Variants in ITSN1 observed in about 807,000 individuals in gnomAD.
ITSN1 encodes the protein intersectin 1.
Under a neutral mutation model 239.8 loss-of-function variants are expected in ITSN1, and 58 were observed. That is an observed-to-expected ratio of 0.24 (90% CI 0.20 to 0.30). The LOEUF (loss-of-function observed/expected upper bound fraction) is 0.30. Ranked by LOEUF, ITSN1 falls within the 10% of genes least tolerant of loss-of-function variation. The pLI is 1.00. For missense variants in ITSN1, 1,558 were observed against 2,103.3 expected (o/e 0.74, Z 5.07); for synonymous variants, 780 against 770.8 (o/e 1.01, Z -0.20).
At chr21:33,702,093 ATTTTTTTTTTTTT>A (rs1162454097) in intron 1 of ITSN1, among the ~76,000 whole-genome samples, 124,645 of 148,694 alleles carry the variant, frequency 0.84, 53,185 homozygotes, top group Non-Finnish European at 0.9. Flanking sequence ...AAACAAAAAA[ATTTTTTTTTTTTT>A]TTTTTTTTTT....
At chr21:33,864,783 A>G (rs1270026413) in intron 31 of ITSN1, among the ~76,000 whole-genome samples, 1 of 152,172 alleles carries the variant, frequency 6.6e-6, no homozygotes, top group Non-Finnish European at 1.5e-5. Flanking sequence ...CTTGGGCAGA[A>G]GTGTCTCCTG....
intron 24 of ITSN1, 129 bp from the exon 25 acceptor site, chr21:33,823,358 T>A: frequency 8.8e-6 from 7 of 795,726 alleles, no homozygotes; most frequent in Non-Finnish European, 1.4e-5. Flanking sequence ...GTATTTTATC[T>A]GTGACTAGCC....
chr21:33,819,703 C>G (rs567610459), intron 24 of ITSN1, among the ~76,000 whole-genome samples: 1 of 152,328 alleles, frequency 6.6e-6, no homozygotes, highest in South Asian at 2.1e-4. Flanking sequence ...TAACTACAGG[C>G]CGGGCGCGGT....
chr21:33,658,178 T>C (rs1237238335), intron 1 of ITSN1, among the ~76,000 whole-genome samples: 2 of 152,112 alleles, frequency 1.3e-5, no homozygotes, highest in East Asian at 3.8e-4. Flanking sequence ...AGATAAAATA[T>C]ATTTACTATT....
rs571971823 is a variant in ITSN1, at chr21:33,751,728, G to A, written c.527-82G>A. ...GAATTATTTCTGCCTCAGATTTGTT[G>A]ACTGTGCATTTTAATTTTTGTAAAT... On this transcript the variant is annotated intron_variant, in intron 6 of 39. Transcript: ENST00000381318. The A allele has an allele frequency of 8.0e-5, 83 of 1,041,424 alleles. 2 individuals are homozygous for A. In the South Asian group the frequency reaches 9.5e-4, roughly 12 times the overall value. 64.5% of individuals were successfully genotyped at this position (1,041,424 alleles called of 1,614,324 possible). A position where few individuals can be genotyped will look rare whatever the true frequency, so the allele number is the denominator to read the frequency against.
chr21:33,845,537 G>T (rs1453902493), intron 29 of ITSN1, among the ~76,000 whole-genome samples: 1 of 151,312 alleles, frequency 6.6e-6, no homozygotes, highest in Non-Finnish European at 1.5e-5. Context: ...TGCAAACCCT[G>T]CCTGATCTGC....
At chr21:33,727,746 A>C (rs891269253) in intron 4 of ITSN1, among the ~76,000 whole-genome samples, 1 of 151,706 alleles carries the variant, frequency 6.6e-6, no homozygotes, top group Non-Finnish European at 1.5e-5. Flanking sequence ...GCCCAAACCA[A>C]CACCTGGGCA....
At chr21:33,716,798 A>G (rs531112163) in intron 1 of ITSN1, among the ~76,000 whole-genome samples, 18 of 151,962 alleles carry the variant, frequency 1.2e-4, no homozygotes, top group Non-Finnish European at 1.8e-4. Flanking sequence ...CTAAAAATAC[A>G]AAAATTAGCC....
chr21:33,684,562 G>T (rs778436634), intron 1 of ITSN1, among the ~76,000 whole-genome samples: 14 of 152,116 alleles, frequency 9.2e-5, no homozygotes, highest in Non-Finnish European at 1.8e-4. Context: ...GTATTTGGGG[G>T]TAGAAACAGT....
intron 29 of ITSN1, among the ~76,000 whole-genome samples, chr21:33,846,574 G>A (rs1384423764): frequency 6.6e-6 from 1 of 152,136 alleles, no homozygotes; most frequent in Non-Finnish European, 1.5e-5. Context: ...CAAACCAGAG[G>A]GCAGGGCCTA....
At chr21:33,772,762 A>G (rs1409636141) in intron 12 of ITSN1, among the ~76,000 whole-genome samples, 1 of 152,136 alleles carries the variant, frequency 6.6e-6, no homozygotes, top group Non-Finnish European at 1.5e-5. Flanking sequence ...TTCATTCAGC[A>G]GTTGATGGTC....
intron 1 of ITSN1, among the ~76,000 whole-genome samples, chr21:33,643,103 G>T (rs1239774865): frequency 6.6e-6 from 1 of 150,944 alleles, no homozygotes; most frequent in Non-Finnish European, 1.5e-5. Context: ...GCCCTCGGCC[G>T]CCGGCGAGGG....
At chr21:33,844,366 T>G (rs544348201) in intron 29 of ITSN1, among the ~76,000 whole-genome samples, 4 of 152,276 alleles carry the variant, frequency 2.6e-5, no homozygotes, top group Admixed American at 2.0e-4. Flanking sequence ...GTCTGGACTG[T>G]GTTGGCAGGC....
chr21:33,667,427 T>A (rs1273578020), intron 1 of ITSN1, among the ~76,000 whole-genome samples: 1 of 152,206 alleles, frequency 6.6e-6, no homozygotes, highest in Non-Finnish European at 1.5e-5. Context: ...TATTATATAT[T>A]TTTGAAAACA....
At chr21:33,730,368 T>G (rs1211411742) in intron 4 of ITSN1, among the ~76,000 whole-genome samples, 1 of 150,052 alleles carries the variant, frequency 6.7e-6, no homozygotes, top group African/African-American at 2.4e-5. Flanking sequence ...TAAGGTAACC[T>G]GCTATAAATG....
intron 1 of ITSN1, among the ~76,000 whole-genome samples, chr21:33,651,065 C>T (rs1047861864): frequency 2.0e-5 from 3 of 152,260 alleles, no homozygotes; most frequent in Admixed American, 6.5e-5. Flanking sequence ...GGCCCTAGAG[C>T]AGCGCCTGCT....
chr21:33,716,255 C>T (rs2065131908), intron 1 of ITSN1, among the ~76,000 whole-genome samples: 1 of 152,152 alleles, frequency 6.6e-6, no homozygotes, highest in South Asian at 2.1e-4. Flanking sequence ...CTCCTACACT[C>T]CAGCAGATGG....
At chr21:33,745,253 A>G (rs1283347039) in intron 5 of ITSN1, among the ~76,000 whole-genome samples, 1 of 152,218 alleles carries the variant, frequency 6.6e-6, no homozygotes, top group African/African-American at 2.4e-5. Context: ...GAACCGCACC[A>G]TGAGAATGCA....
intron 2 of ITSN1, among the ~76,000 whole-genome samples, chr21:33,719,365 C>T (rs377161051): frequency 2.1e-4 from 32 of 152,232 alleles, no homozygotes; most frequent in Middle Eastern, 3.4e-3. Context: ...GACATGAACC[C>T]GGGAGGCGGA....
Sources: gnomAD v4.1 joint callset for allele counts (sites outside exome capture counted in the v4.1 genomes callset) on GRCh38, gnomAD v4.1.1 for gene constraint, MANE v1.5 for transcripts, NCBI Gene and HGNC (gene_info 2026-07-23, HGNC 2026-07-21) for gene names.